Variants in CD163L1 observed in about 807,000 individuals in gnomAD.
The protein encoded by CD163L1 is CD163 molecule like 1, also known as scavenger receptor cysteine-rich type 1 protein M160.
A neutral mutation model predicts 165.4 loss-of-function variants in CD163L1; 124 were observed. That is an observed-to-expected ratio of 0.75 (90% CI 0.65 to 0.87). CD163L1 has a LOEUF of 0.87. CD163L1 is among the 40% of genes least tolerant of loss of function. CD163L1 has a pLI of 0.00. For synonymous variants in CD163L1, 585 were observed against 662.2 expected (o/e 0.88, Z 1.79); for missense variants, 1,525 against 1,799.9 (o/e 0.85, Z 2.76).
chr12:7,421,253 T>C (rs1187594067), intron 4 of CD163L1, among the ~76,000 whole-genome samples: 1 of 128,676 alleles, frequency 7.8e-6, no homozygotes, highest in Non-Finnish European at 1.6e-5. Context: ...GGAAGATATA[T>C]ATGTATATAT....
intron 4 of CD163L1, among the ~76,000 whole-genome samples, chr12:7,410,604 CAAA>C (rs140470376): frequency 1.8e-5 from 2 of 109,336 alleles, no homozygotes. Context: ...AGTCCATATC[CAAA>C]AAAAAAAAAA....
At chr12:7,389,972 A>ATATATT (rs1219425972) in intron 8 of CD163L1, among the ~76,000 whole-genome samples, 2 of 146,216 alleles carry the variant, frequency 1.4e-5, no homozygotes, top group East Asian at 3.9e-4. Context: ...ATATATATAT[A>ATATATT]TATATATATA....
chr12:7,440,589 G>A (rs1283232097), intron 2 of CD163L1, among the ~76,000 whole-genome samples: 1 of 150,896 alleles, frequency 6.6e-6, no homozygotes, highest in Non-Finnish European at 1.5e-5. Context: ...TATTTTTTCA[G>A]TGAGACATTT....
At chr12:7,328,984 G>GTATATAGATATA in the CD163L1 span, among the ~76,000 whole-genome samples, 1 of 146,858 alleles carries the variant, frequency 6.8e-6, no homozygotes, top group Admixed American at 6.8e-5. Flanking sequence ...ATACATATGT[G>GTATATAGATATA]TATATACACA....
At chr12:7,384,868 A>G (rs183070888) in intron 8 of CD163L1, among the ~76,000 whole-genome samples, 335 of 152,188 alleles carry the variant, frequency 2.2e-3, no homozygotes, top group African/African-American at 7.7e-3. Context: ...CAAATGAGAA[A>G]AAAAGGACCC....
intron 18 of CD163L1, among the ~76,000 whole-genome samples, chr12:7,365,726 G>T (rs904377384): frequency 7.2e-5 from 11 of 152,118 alleles, no homozygotes; most frequent in African/African-American, 2.4e-4. Flanking sequence ...TCATACCTCA[G>T]GCAGAATGGC....
At chr12:7,378,834 C>T (rs1029653050) in intron 9 of CD163L1, 144 bp downstream of exon 9, 3 of 552,356 alleles carry the variant, frequency 5.4e-6, no homozygotes, top group Non-Finnish European at 9.0e-6. Flanking sequence ...ATATACCTGT[C>T]TTCTAGATAG....
Position 7,369,556 on chromosome 12 carries a change from C to T in CD163L1, c.3840G>A (p.Ala1280=), listed in dbSNP as rs114521545. The change falls in exon 15 of 20, where the codon GCG becomes GCA. Residue 1280 remains alanine, a synonymous_variant. Transcript: ENST00000313599. This position sits in a 1 kb window ranked among gnomAD's most constrained non-coding sequence, Gnocchi z 4.9. ...AGCCCAGCTGCTGACACACCACTTC[C>T]GCCTCGGCCAGGTCCCAGGAGTCAT... The part of the protein sequence containing the change: ...VCDDSWDLAE[A]EVVCQQLGCG... The T allele has an allele frequency of 8.6e-4, 1,384 of 1,614,200 alleles. 17 individuals carry two copies. In the African/African-American group the frequency reaches 0.016, roughly 18 times the overall value.
At chr12:7,337,720 T>G in the CD163L1 span, among the ~76,000 whole-genome samples, 9,304 of 152,192 alleles carry the variant, frequency 0.061, 380 homozygotes, top group East Asian at 0.16. Context: ...CTGTTATTAG[T>G]AGTGTAAATT....
chr12:7,406,803 C>T lies in CD163L1; in HGVS notation c.816G>A (p.Met272Ile), dbSNP rs753102710. Residue 272 changes from methionine to isoleucine, a missense_variant, in exon 5 of 20, where the codon ATG (methionine) becomes ATA (isoleucine). By Grantham distance (10) the Met-to-Ile change is conservative (BLOSUM62 1). Coordinates refer to ENST00000313599, the MANE Select transcript of CD163L1 (RefSeq NM_174941.6). ...CTTGGATTTTCAGCTCTACTCTCCCCATACAGCGGTTAGTTCCACCTACAA... is the reference window on the plus strand; with the variant it reads ...CTTGGATTTTCAGCTCTACTCTCCCTATACAGCGGTTAGTTCCACCTACAA... ...LRLVGGTNRC[M>I]GRVELKIQGR... is the part of the protein sequence containing the mutation. 3.1e-6 allele frequency: 5 copies of T among 1,614,066 alleles called. No homozygotes were observed. The South Asian group carries it at 4.4e-5, about 14-fold the overall frequency.
chr12:7,386,338 C>A (rs1466921539), intron 8 of CD163L1, among the ~76,000 whole-genome samples: 1 of 151,540 alleles, frequency 6.6e-6, no homozygotes, highest in African/African-American at 2.4e-5. Flanking sequence ...AGTCTCCAGA[C>A]AAAGGAAACC....
chr12:7,408,969 A>G (rs766721310), intron 4 of CD163L1, among the ~76,000 whole-genome samples: 14 of 152,318 alleles, frequency 9.2e-5, no homozygotes, highest in African/African-American at 3.1e-4. Flanking sequence ...AGGGAAAAAA[A>G]GAAGAAATAA....
chr12:7,324,244 A>G, the CD163L1 span: 1 of 1,609,038 alleles, frequency 6.2e-7, no homozygotes, highest in Non-Finnish European at 8.5e-7. Flanking sequence ...TGACCAGACT[A>G]ATCCCCAAAT....
chr12:7,333,166 C>G, the CD163L1 span, among the ~76,000 whole-genome samples: 1 of 152,178 alleles, frequency 6.6e-6, no homozygotes, highest in African/African-American at 2.4e-5. Context: ...GAACTCTCCA[C>G]CCCAAATCAA....
chr12:7,403,642 T>C lies in CD163L1; in HGVS notation c.1301A>G (p.Asn434Ser). ...PSNEARDIWI[N>S]SISCTGNESA... ...CTCATTCCCAGTGCAAGATATGCTG[T>C]TTATCCAAATGTCTCTAGCTTCATT... Residue 434 changes from asparagine (N) to serine (S), a missense_variant, in exon 6 of 20, where the codon AAC becomes AGC. Transcript: ENST00000313599. 1 of 1,614,044 alleles carries C rather than the reference T, an allele frequency of 6.2e-7. No individual in the cohort carries two copies. The highest frequency in any genetic ancestry group is 1.1e-5 in the South Asian group (1 of 91,086).
chr12:7,421,886 T>C (rs75194566), intron 4 of CD163L1, among the ~76,000 whole-genome samples: 12,919 of 151,722 alleles, frequency 0.085, 602 homozygotes, highest in Middle Eastern at 0.14. Context: ...TAATGGAGAA[T>C]AGAGCAGCAG....
chr12:7,337,216 C>G, the CD163L1 span, among the ~76,000 whole-genome samples: 3 of 152,240 alleles, frequency 2.0e-5, no homozygotes, highest in African/African-American at 7.2e-5. Context: ...CATAAAAACC[C>G]TAGAAGGAAA....
At chr12:7,362,703 T>C in intron 18 of CD163L1, among the ~76,000 whole-genome samples, 1 of 146,672 alleles carries the variant, frequency 6.8e-6, no homozygotes, top group Non-Finnish European at 1.5e-5. Flanking sequence ...TACTATAACA[T>C]ATAATATTAA....
Position 7,368,912 on chromosome 12 carries a change from C to G in CD163L1, c.4072+21G>C. On this transcript the variant is annotated intron_variant, in intron 16 of 19. Coordinates refer to ENST00000313599, the MANE Select transcript of CD163L1 (RefSeq NM_174941.6). This position sits in a 1 kb window ranked among gnomAD's most constrained non-coding sequence, Gnocchi z 4.3. ...GTAGCCTTAGGTATTTGTGTCAGCA[C>G]TGATAGGCAGAAGACTATACCTGAG... 1 of 1,612,906 alleles carries G rather than the reference C, an allele frequency of 6.2e-7. No individual in the cohort carries two copies. Among genetic ancestry groups the G allele is most frequent in the Non-Finnish European group, 8.5e-7 (1 of 1,179,104 alleles).
Sources: gnomAD v4.1 joint callset for allele counts (sites outside exome capture counted in the v4.1 genomes callset) on GRCh38, gnomAD v4.1.1 for gene constraint, Gnocchi (gnomAD v3.1) non-coding constraint, MANE v1.5 for transcripts, NCBI Gene and HGNC (gene_info 2026-07-23, HGNC 2026-07-21) for gene names.